The following KANSL1 variants were observed in gnomAD, a reference collection of about 807,000 sequenced individuals.
KANSL1 encodes the protein MLL1/MLL complex subunit KANSL1.
KANSL1 carries 22 observed loss-of-function variants against 103.6 expected under a neutral mutation model. The observed-to-expected ratio is 0.21, with a 90% confidence interval of 0.15 to 0.30. KANSL1 has a LOEUF of 0.30. Ranked by LOEUF, KANSL1 falls within the 10% of genes least tolerant of loss-of-function variation. The pLI is 1.00. For synonymous variants in KANSL1, 600 were observed against 527.6 expected (o/e 1.14, Z -1.88); for missense variants, 1,337 against 1,399.8 (o/e 0.96, Z 0.72).
At chr17:46,122,670 C>T (rs1476164712) in intron 2 of KANSL1, among the ~76,000 whole-genome samples, 1 of 152,218 alleles carries the variant, frequency 6.6e-6, no homozygotes, top group African/African-American at 2.4e-5. Context: ...AGTCTATTAG[C>T]GTCATTCTTC....
chr17:46,172,353 G>A (rs1313708434), intron 1 of KANSL1, 121 bp from the exon 2 acceptor site: 14 of 601,940 alleles, frequency 2.3e-5, no homozygotes, highest in Non-Finnish European at 3.7e-5. Flanking sequence ...AAACACTCTG[G>A]AGCTAACTGT....
intron 1 of KANSL1, among the ~76,000 whole-genome samples, chr17:46,203,577 C>A (rs1216734884): frequency 2.6e-5 from 4 of 152,204 alleles, no homozygotes; most frequent in Non-Finnish European, 5.9e-5. Context: ...AAAATCCTTT[C>A]TACTCATTGA....
chr17:46,035,635 A>G (rs984006136), intron 10 of KANSL1: 6 of 152,314 alleles, frequency 3.9e-5, no homozygotes, highest in African/African-American at 1.4e-4. Flanking sequence ...TCATACCCAG[A>G]GACCTCTGCC....
upstream of KANSL1, chr17:46,196,377 T>A (rs1403375484): frequency 2.2e-6 from 1 of 456,280 alleles, no homozygotes; most frequent in South Asian, 1.5e-5. Flanking sequence ...GGAATGGCCA[T>A]GAGATGTGAG....
chr17:46,091,570 A>C (rs1234995355), intron 3 of KANSL1, among the ~76,000 whole-genome samples: 1 of 152,148 alleles, frequency 6.6e-6, no homozygotes, highest in African/African-American at 2.4e-5. Flanking sequence ...AGCTCCATTC[A>C]TGGTAAGTGC....
intron 2 of KANSL1, among the ~76,000 whole-genome samples, chr17:46,146,884 C>T (rs1405164947): frequency 6.9e-6 from 1 of 145,082 alleles, no homozygotes; most frequent in African/African-American, 2.6e-5. Flanking sequence ...AAAGGTTTCA[C>T]ATTTAGATGT....
At chr17:46,125,219 G>C (rs1482753019) in intron 2 of KANSL1, among the ~76,000 whole-genome samples, 3 of 152,238 alleles carry the variant, frequency 2.0e-5, no homozygotes, top group Admixed American at 1.3e-4. Flanking sequence ...CAGCAAAAAA[G>C]ATTATGACTC....
intron 2 of KANSL1, among the ~76,000 whole-genome samples, chr17:46,140,796 A>C (rs1403958138): frequency 6.6e-6 from 1 of 152,254 alleles, no homozygotes; most frequent in Non-Finnish European, 1.5e-5. Flanking sequence ...ATTAGCCATT[A>C]GAGAAATTAA....
At chr17:46,215,426 G>A (rs1349931052) in intron 1 of KANSL1, among the ~76,000 whole-genome samples, 2 of 152,332 alleles carry the variant, frequency 1.3e-5, no homozygotes, top group Non-Finnish European at 1.5e-5. Context: ...ATGATCATAC[G>A]CTTGAACATG....
intron 2 of KANSL1, among the ~76,000 whole-genome samples, chr17:46,137,700 A>G (rs1351695287): frequency 2.7e-5 from 3 of 111,716 alleles, no homozygotes; most frequent in Non-Finnish European, 7.2e-5. Context: ...CGTCTCTACT[A>G]AAAAAAAATA....
At chr17:46,068,948 T>C (rs1311221876) in intron 4 of KANSL1, among the ~76,000 whole-genome samples, 1 of 152,098 alleles carries the variant, frequency 6.6e-6, no homozygotes. Flanking sequence ...TTTTTTGAGA[T>C]GAAGTCTCGC....
chr17:46,148,520 G>A (rs1406069), intron 2 of KANSL1, among the ~76,000 whole-genome samples: 18,070 of 148,662 alleles, frequency 0.12, 23 homozygotes, highest in Middle Eastern at 0.18. Context: ...TCATTTTTAC[G>A]AGTTCACATG....
chr17:46,224,089 A>G (rs1299849611), upstream of KANSL1, among the ~76,000 whole-genome samples: 1 of 152,216 alleles, frequency 6.6e-6, no homozygotes, highest in Non-Finnish European at 1.5e-5. Context: ...GTAATTTTCC[A>G]GGGTACTTCA....
chr17:46,158,490 G>A (rs1239574732), intron 2 of KANSL1, among the ~76,000 whole-genome samples: 1 of 151,888 alleles, frequency 6.6e-6, no homozygotes, highest in African/African-American at 2.4e-5. Flanking sequence ...AGCCTTCCAA[G>A]TAGCTGGGAT....
intron 4 of KANSL1, among the ~76,000 whole-genome samples, chr17:46,076,260 C>T (rs62060843): frequency 0.14 from 21,722 of 151,542 alleles, 2,097 homozygotes; most frequent in Non-Finnish European, 0.22. Flanking sequence ...TTTGGGAGGC[C>T]GAGGCAGGCG....
chr17:46,142,859 G>A (rs2044495153), intron 2 of KANSL1, among the ~76,000 whole-genome samples: 1 of 152,186 alleles, frequency 6.6e-6, no homozygotes, highest in Admixed American at 6.5e-5. Context: ...CTTCTGAATT[G>A]TTCACACTCT....
intron 1 of KANSL1, among the ~76,000 whole-genome samples, chr17:46,206,620 T>C (rs1464836529): frequency 2.6e-5 from 4 of 152,240 alleles, no homozygotes; most frequent in Non-Finnish European, 5.9e-5. Context: ...AATATTCACA[T>C]GCAGTAGAAT....
chr17:46,076,593 C>T (rs1284903750), intron 4 of KANSL1, among the ~76,000 whole-genome samples: 1 of 115,632 alleles, frequency 8.6e-6, no homozygotes, highest in African/African-American at 2.6e-5. Flanking sequence ...AAAAACAACA[C>T]AACATAAACC....
At chr17:46,071,409 C>G (rs946477782) in intron 4 of KANSL1, among the ~76,000 whole-genome samples, 3 of 152,200 alleles carry the variant, frequency 2.0e-5, no homozygotes. Flanking sequence ...TGCAACCCAT[C>G]ATCAATGCAA....
Sources: gnomAD v4.1 joint callset for allele counts (sites outside exome capture counted in the v4.1 genomes callset) on GRCh38, gnomAD v4.1.1 for gene constraint, MANE v1.5 for transcripts, NCBI Gene and HGNC (gene_info 2026-07-23, HGNC 2026-07-21) for gene names.